Variants in CSMD1 observed in about 807,000 individuals in gnomAD.
CSMD1 encodes CUB and Sushi multiple domains 1.
Under a neutral mutation model 417.5 loss-of-function variants are expected in CSMD1, and 213 were observed. The observed-to-expected ratio is 0.51, with a 90% confidence interval of 0.46 to 0.57. CSMD1 has a LOEUF of 0.57. CSMD1 is among the 20% of genes least tolerant of loss of function. CSMD1 has a pLI of 0.00. For synonymous variants in CSMD1, 2,862 were observed against 1,736.8 expected, an observed-to-expected ratio of 1.65 and a Z score of -16.11; for missense variants, 6,923 against 4,529.7, an observed-to-expected ratio of 1.53 and a Z score of -15.17.
At position 3,409,562 on chromosome 8, in the gene CSMD1, A is replaced by T; in HGVS notation, c.1605T>A (p.Tyr535Ter). ...GGAAACTGCTGCCCGTCCGCTTCCC[A>T]TAGGCGGGGATTCCAGGATCCCCAC... The part of the protein sequence containing the change: ...GGCGDPGIPA[Y>*]GKRTGSSFLH... Residue 535 changes from tyrosine (Y) to a stop codon, truncating the protein, a stop_gained, in exon 13 of 70, where the codon TAT becomes TAA. Transcript: ENST00000635120. LOFTEE classifies it high-confidence loss of function. 2.5e-6 allele frequency: 4 copies of T among 1,609,508 alleles called. No homozygotes were observed. The highest frequency in any genetic ancestry group is 3.4e-6 in the Non-Finnish European group (4 of 1,177,708).
At chr8:4,026,195 T>C (rs1404085501) in intron 4 of CSMD1, among the ~76,000 whole-genome samples, 1 of 152,214 alleles carries the variant, frequency 6.6e-6, no homozygotes, top group Admixed American at 6.5e-5. Flanking sequence ...TTTTTCTTTA[T>C]AATCTAGTTA....
At chr8:4,859,783 G>A (rs890907785) in intron 1 of CSMD1, among the ~76,000 whole-genome samples, 1 of 151,996 alleles carries the variant, frequency 6.6e-6, no homozygotes, top group Non-Finnish European at 1.5e-5. Context: ...AGGATGTGGA[G>A]AAATAGGAAC....
chr8:3,247,993 T>C lies in CSMD1; in HGVS notation c.4154-17762A>G, dbSNP rs1369264066. Among the ~76,000 whole-genome samples, 6 of 152,174 alleles carry C rather than the reference T, an allele frequency of 3.9e-5. No individual in the cohort carries two copies. The East Asian group carries it at 1.2e-3, about 29-fold the overall frequency. The stretch of plus-strand genomic sequence containing the variant: ...TCTGCAGGTCGCCAATTGTTTACTT[T>C]CTACATCAACATCATCAAACCACAC... On this transcript the variant is annotated intron_variant, in intron 26 of 69. Coordinates refer to ENST00000635120, the MANE Select transcript of CSMD1 (RefSeq NM_033225.6).
At chr8:3,636,039 T>C (rs937904804) in intron 7 of CSMD1, among the ~76,000 whole-genome samples, 18 of 151,886 alleles carry the variant, frequency 1.2e-4, no homozygotes, top group African/African-American at 4.4e-4. Flanking sequence ...ATTTTCAGTC[T>C]TAATATCCTT....
rs182559229 is a variant in CSMD1 at position 3,148,427 on chromosome 8, A to G, written c.6031+2970T>C. 6.6e-5 allele frequency among the ~76,000 whole-genome samples: 10 copies of G among 152,284 alleles called. No homozygotes were observed. In the East Asian group the frequency reaches 1.9e-3, roughly 29 times the overall value. Reference sequence around the variant, plus strand: ...ATGAGCTGTGCAGTGCTGTGGGTATAAATTAGGAATTGAACAGGAGAATCT... The same window carrying G: ...ATGAGCTGTGCAGTGCTGTGGGTATGAATTAGGAATTGAACAGGAGAATCT... On this transcript the variant is annotated intron_variant, in intron 40 of 69. Coordinates refer to ENST00000635120, the MANE Select transcript of CSMD1 (RefSeq NM_033225.6).
chr8:3,922,127 G>C (rs1809319610), intron 5 of CSMD1, among the ~76,000 whole-genome samples: 2 of 140,748 alleles, frequency 1.4e-5, no homozygotes, highest in Admixed American at 7.5e-5. Flanking sequence ...ATTATATTAT[G>C]ACATTCTTTC....
intron 50 of CSMD1, among the ~76,000 whole-genome samples, chr8:3,049,570 G>C (rs1264775223): frequency 6.6e-6 from 1 of 152,078 alleles, no homozygotes; most frequent in Non-Finnish European, 1.5e-5. Flanking sequence ...GTGTTTGTCA[G>C]GGGTTGGATG....
chr8:3,317,454 CTGT>C (rs1160954176), intron 23 of CSMD1, among the ~76,000 whole-genome samples: 3 of 152,270 alleles, frequency 2.0e-5, no homozygotes, highest in South Asian at 2.1e-4. Flanking sequence ...CTTGTATTCT[CTGT>C]TGTTCTGGTG....
At chr8:4,626,454 G>A (rs1802118767) in intron 2 of CSMD1, among the ~76,000 whole-genome samples, 1 of 152,076 alleles carries the variant, frequency 6.6e-6, no homozygotes, top group Non-Finnish European at 1.5e-5. Context: ...CTGTTTGAGG[G>A]TTTAGTGTGA....
At chr8:4,215,207 C>G (rs1309744966) in intron 3 of CSMD1, among the ~76,000 whole-genome samples, 1 of 152,220 alleles carries the variant, frequency 6.6e-6, no homozygotes, top group African/African-American at 2.4e-5. Context: ...GCTTAACCAG[C>G]TGCGACCTCT....
At chr8:3,269,758 T>G (rs980297749) in intron 26 of CSMD1, among the ~76,000 whole-genome samples, 2 of 152,204 alleles carry the variant, frequency 1.3e-5, no homozygotes, top group African/African-American at 4.8e-5. Flanking sequence ...TAAGCTTTAA[T>G]GAAAAGTGTC....
At chr8:3,883,432 G>C (rs1413920215) in intron 5 of CSMD1, among the ~76,000 whole-genome samples, 2 of 152,082 alleles carry the variant, frequency 1.3e-5, no homozygotes, top group Non-Finnish European at 2.9e-5. Context: ...GTGTGTGTAT[G>C]TTTGTGTATA....
intron 2 of CSMD1, among the ~76,000 whole-genome samples, chr8:4,546,959 C>A (rs1240657401): frequency 1.3e-5 from 2 of 152,132 alleles, no homozygotes; most frequent in African/African-American, 4.8e-5. Flanking sequence ...TAGCCTCATT[C>A]ACGTACATGA....
rs1438824869 is a variant in CSMD1 at position 3,013,433 on chromosome 8, CT to C, written c.8029+5043del. The stretch of plus-strand genomic sequence containing the variant: ...AAAATAGTTATGAATGACTACTTTA[CT>C]TTTCTCTCTGTCAGAGTAATATCAA... On this transcript the variant is annotated intron_variant, in intron 52 of 69. Coordinates refer to ENST00000635120, the MANE Select transcript of CSMD1 (RefSeq NM_033225.6). Among the ~76,000 whole-genome samples the C allele has an allele frequency of 3.3e-5, 5 of 152,272 alleles. No individual in the cohort carries two copies. In the South Asian group the frequency reaches 6.2e-4, roughly 19 times the overall value.
In CSMD1 at chr8:4,506,960, A is replaced by AT. The variant is rs550315907; in HGVS notation, c.303-86896dup. ...TATAAGGAGAAAGGTGATCGAATAC[A>AT]TTTTTTTCATAAACAAAATTGAATC... On this transcript the variant is annotated intron_variant, in intron 2 of 69. Coordinates refer to ENST00000635120, the MANE Select transcript of CSMD1 (RefSeq NM_033225.6). Among the ~76,000 whole-genome samples the AT allele has an allele frequency of 3.0e-4, 45 of 152,276 alleles. 1 individual carries two copies. The South Asian group carries it at 8.9e-3, about 30-fold the overall frequency.
chr8:4,340,393 T>C (rs11785309), intron 3 of CSMD1, among the ~76,000 whole-genome samples: 22,938 of 152,072 alleles, frequency 0.15, 2,180 homozygotes, highest in Middle Eastern at 0.21. Flanking sequence ...ACTCTTGACA[T>C]GAGTTTGCTT....
chr8:4,973,189 T>C (rs555287562), intron 1 of CSMD1, among the ~76,000 whole-genome samples: 1 of 152,272 alleles, frequency 6.6e-6, no homozygotes, highest in African/African-American at 2.4e-5. Context: ...TATTACTTTT[T>C]AGTGCCTTTT....
At chr8:3,690,903 C>A (rs1443709434) in intron 7 of CSMD1, among the ~76,000 whole-genome samples, 1 of 152,098 alleles carries the variant, frequency 6.6e-6, no homozygotes, top group Non-Finnish European at 1.5e-5. Context: ...AATTAAATAA[C>A]AACAAATAAA....
chr8:4,579,284 T>A (rs1799296120), intron 2 of CSMD1, among the ~76,000 whole-genome samples: 1 of 151,324 alleles, frequency 6.6e-6, no homozygotes, highest in Non-Finnish European at 1.5e-5. Context: ...TATATGTATA[T>A]ATATAAAAAA....
Sources: gnomAD v4.1 joint callset for allele counts (sites outside exome capture counted in the v4.1 genomes callset) on GRCh38, gnomAD v4.1.1 for gene constraint, MANE v1.5 for transcripts, NCBI Gene and HGNC (gene_info 2026-07-23, HGNC 2026-07-21) for gene names.